RTN4R: variants seen among roughly 807,000 people sequenced by gnomAD.
The protein encoded by RTN4R is reticulon 4 receptor, also known as reticulon-4 receptor.
Under a neutral mutation model 27.7 loss-of-function variants are expected in RTN4R, and 4 were observed. The observed-to-expected ratio is 0.14, with a 90% CI of 0.07 to 0.33. The LOEUF (loss-of-function observed/expected upper bound fraction) is 0.33, where lower values mean the gene tolerates loss of function less well. Ranked by LOEUF, RTN4R falls within the 10% of genes least tolerant of loss-of-function variation. The pLI is 1.00. For synonymous variants in RTN4R, 290 were observed against 305.6 expected (o/e 0.95, Z 0.53); for missense variants, 554 against 671.5 (o/e 0.83, Z 1.93).
At chr22:20,266,889 C>T (rs1262988250) in intron 1 of RTN4R, among the ~76,000 whole-genome samples, 4 of 152,272 alleles carry the variant, frequency 2.6e-5, no homozygotes, top group Non-Finnish European at 4.4e-5. Context: ...CACACACGCA[C>T]ACAAGCCCGA....
At chr22:20,265,884 T>C (rs1026277589) in intron 1 of RTN4R, among the ~76,000 whole-genome samples, 2 of 152,188 alleles carry the variant, frequency 1.3e-5, no homozygotes, top group African/African-American at 4.8e-5. Context: ...AGTGCCCCGA[T>C]AATCCCTGAC....
rs2051105458 is a variant in RTN4R at position 20,241,556 on chromosome 22, G to T, written c.*155C>A. ...CGCCGAACCCTGTAAACATGATGGGGTGGAGATGGGGGTGGCGGGCGGCAG... is the reference window on the plus strand; with the variant it reads ...CGCCGAACCCTGTAAACATGATGGGTTGGAGATGGGGGTGGCGGGCGGCAG... On this transcript the variant is annotated 3_prime_UTR_variant, in exon 2 of 2. Transcript: ENST00000043402. 2 of 744,916 alleles carry T rather than the reference G, an allele frequency of 2.7e-6. No homozygotes were observed. The highest frequency in any genetic ancestry group is 2.2e-6 in the Non-Finnish European group (1 of 451,722). 46.1% of individuals were successfully genotyped at this position (744,916 alleles called of 1,614,324 possible). A position where few individuals can be genotyped will look rare whatever the true frequency, so the allele number is the denominator to read the frequency against.
chr22:20,265,937 C>T (rs141339830), intron 1 of RTN4R, among the ~76,000 whole-genome samples: 1,813 of 152,252 alleles, frequency 0.012, 35 homozygotes, highest in African/African-American at 0.041. Context: ...GGCAGAGAGG[C>T]GACCTGTCAC....
At chr22:20,263,707 C>A (rs1327316373) in intron 1 of RTN4R, among the ~76,000 whole-genome samples, 1 of 152,246 alleles carries the variant, frequency 6.6e-6, no homozygotes, top group Non-Finnish European at 1.5e-5. Flanking sequence ...GGACCCTGGC[C>A]TGTGCCCACT....
rs1423255455 is a variant in RTN4R at position 20,241,762 on chromosome 22, G to A, written c.1371C>T (p.Leu457=). ...SGALPSLTCS[L]TPLGLALVLW... is the part of the protein sequence containing the mutation. ...GCACCAGCGCCAGGCCCAGGGGGGTGAGGCTGCAGGTGAGGCTGGGTAGGG... is the reference window on the plus strand; with the variant it reads ...GCACCAGCGCCAGGCCCAGGGGGGTAAGGCTGCAGGTGAGGCTGGGTAGGG... Residue 457 remains leucine (L), a synonymous_variant, in exon 2 of 2, where the codon CTC becomes CTT. Coordinates refer to ENST00000043402, the MANE Select transcript of RTN4R (RefSeq NM_023004.6). 6.4e-7 allele frequency: 1 copy of A among 1,553,294 alleles called. No homozygotes were observed. The highest frequency in any genetic ancestry group is 1.2e-5 in the South Asian group (1 of 84,526).
intron 1 of RTN4R, among the ~76,000 whole-genome samples, chr22:20,264,419 A>G (rs2051265587): frequency 6.6e-6 from 1 of 152,146 alleles, no homozygotes; most frequent in Non-Finnish European, 1.5e-5. Context: ...GGGGTGGGGC[A>G]GCATGCCCGC....
At chr22:20,258,603 G>A (rs1474822135) in intron 1 of RTN4R, among the ~76,000 whole-genome samples, 1 of 152,162 alleles carries the variant, frequency 6.6e-6, no homozygotes, top group African/African-American at 2.4e-5. Flanking sequence ...GGCAGAAAGT[G>A]AGCCACGGGG....
At chr22:20,243,758 T>C in intron 1 of RTN4R, 1 of 324,770 alleles carries the variant, frequency 3.1e-6, no homozygotes. Flanking sequence ...CATTCTCTGC[T>C]CCATCTCCTC....
intron 1 of RTN4R, among the ~76,000 whole-genome samples, chr22:20,261,626 C>A (rs890713889): frequency 6.6e-6 from 1 of 152,224 alleles, no homozygotes; most frequent in Non-Finnish European, 1.5e-5. Flanking sequence ...AGGCCACCAA[C>A]CCTGGGGTCT....
chr22:20,257,272 T>C lies in RTN4R; in HGVS notation c.22+10799A>G, dbSNP rs556535069. Among the ~76,000 whole-genome samples the C allele has an allele frequency of 2.3e-4, 35 of 152,336 alleles. No homozygotes were observed. The South Asian group carries it at 7.3e-3, about 32-fold the overall frequency. On this transcript the variant is annotated intron_variant, in intron 1 of 1. Transcript: ENST00000043402. ...CTCTAAGTAGCAACATGGATAGCTT[T>C]ACTTCTGTTACAGCTCCATGTCTGC... is the stretch of plus-strand genomic sequence containing the variant.
At chr22:20,248,679 C>T (rs1012314715) in intron 1 of RTN4R, among the ~76,000 whole-genome samples, 7 of 152,274 alleles carry the variant, frequency 4.6e-5, no homozygotes, top group African/African-American at 9.6e-5. Context: ...CAGCTGACCA[C>T]GGGCAGCCAC....
rs2051113405 is a variant in RTN4R, at chr22:20,242,409, G to A, written c.724C>T (p.Pro242Ser). The change falls in exon 2 of 2, where the codon CCC becomes TCC. Residue 242 changes from proline (P) to serine (S), a missense_variant. Coordinates refer to ENST00000043402, the MANE Select transcript of RTN4R (RefSeq NM_023004.6). ...YLFANNLSALPTEALAPLRAL... is the reference protein window; with the variant it reads ...YLFANNLSALSTEALAPLRAL... Reference sequence around the variant, plus strand: ...CGCAGGGGGGCCAGGGCCTCAGTGGGCAGCGCTGATAGATTGTTGGCAAAC... The same window carrying A: ...CGCAGGGGGGCCAGGGCCTCAGTGGACAGCGCTGATAGATTGTTGGCAAAC... 1 of 1,613,178 alleles carries A rather than the reference G, an allele frequency of 6.2e-7. No individual in the cohort carries two copies. Among genetic ancestry groups the A allele is most frequent in the Non-Finnish European group, 8.5e-7 (1 of 1,179,962 alleles).
chr22:20,265,831 C>T (rs1414463767), intron 1 of RTN4R, among the ~76,000 whole-genome samples: 1 of 152,218 alleles, frequency 6.6e-6, no homozygotes, highest in Non-Finnish European at 1.5e-5. Flanking sequence ...AGTCAGAACT[C>T]CACAGGGAAA....
intron 1 of RTN4R, 63 bp from the exon 2 acceptor site, chr22:20,243,173 T>C: frequency 6.5e-7 from 1 of 1,537,078 alleles, no homozygotes; most frequent in Non-Finnish European, 8.8e-7. Flanking sequence ...CTGGAGGTTT[T>C]GCTAGAGCCA....
intron 1 of RTN4R, among the ~76,000 whole-genome samples, chr22:20,264,378 TG>T (rs2051265303): frequency 6.6e-6 from 1 of 152,012 alleles, no homozygotes; most frequent in South Asian, 2.1e-4. Context: ...GGAGCCCAGC[TG>T]GGCCCCAGGG....
rs2051276704 is a variant in RTN4R at position 20,266,399 on chromosome 22, C to T, written c.22+1672G>A. Among the ~76,000 whole-genome samples the T allele has an allele frequency of 2.0e-5, 3 of 152,354 alleles. No homozygotes were observed. The South Asian group carries it at 6.2e-4, about 32-fold the overall frequency. On this transcript the variant is annotated intron_variant, in intron 1 of 1. Transcript: ENST00000043402. ...AGCATGGCATCCATCTGCTCAGCAC[C>T]CTACACAACACCGGAGGTAGGGGAG...
At chr22:20,264,713 A>C (rs1481957351) in intron 1 of RTN4R, among the ~76,000 whole-genome samples, 2 of 152,164 alleles carry the variant, frequency 1.3e-5, no homozygotes, top group Non-Finnish European at 2.9e-5. Flanking sequence ...GCAGAGAGGG[A>C]CCCGAGAGGG....
chr22:20,243,357 C>A (rs1348898808), intron 1 of RTN4R: 1 of 701,806 alleles, frequency 1.4e-6, no homozygotes, highest in Admixed American at 2.0e-5. Context: ...TCTGCAGACT[C>A]CCCATACCAC....
rs537744913 is a variant in RTN4R, at chr22:20,249,338, C to T, written c.23-6228G>A. On this transcript the variant is annotated intron_variant, in intron 1 of 1. Transcript: ENST00000043402. ...TCTGCCTGCCTGACCCTGCCCGCTACCTGGTGCCTAGCCCTGCAGGGCCCA... is the reference window on the plus strand; with the variant it reads ...TCTGCCTGCCTGACCCTGCCCGCTATCTGGTGCCTAGCCCTGCAGGGCCCA... 83 of 440,122 alleles carry T rather than the reference C, an allele frequency of 1.9e-4. 1 individual carries two copies. Among genetic ancestry groups the T allele is most frequent in the South Asian group, 1.3e-3 (82 of 63,752 alleles). 27.3% of individuals were successfully genotyped at this position (440,122 alleles called of 1,614,324 possible). A position where few individuals can be genotyped will look rare whatever the true frequency, so the allele number is the denominator to read the frequency against.
Sources: gnomAD v4.1 joint callset for allele counts (sites outside exome capture counted in the v4.1 genomes callset) on GRCh38, gnomAD v4.1.1 for gene constraint, MANE v1.5 for transcripts, NCBI Gene and HGNC (gene_info 2026-07-23, HGNC 2026-07-21) for gene names.